The following ITPRID1 variants were observed in gnomAD, a reference collection of about 807,000 sequenced individuals.
ITPRID1 encodes ITPR interacting domain containing 1.
ITPRID1 carries 96 observed loss-of-function variants against 95.4 expected under a neutral mutation model. The ratio of observed to expected loss-of-function variants is 1.01; its 90% confidence interval spans 0.85 to 1.19. The LOEUF (loss-of-function observed/expected upper bound fraction) is 1.19. ITPRID1 is among the 50% of genes most tolerant of loss of function. The pLI is 0.00. For synonymous variants in ITPRID1, 510 were observed against 453.6 expected (o/e 1.12, Z -1.58); for missense variants, 1,339 against 1,252.9 (o/e 1.07, Z -1.04).
At chr7:31,604,869 C>A (rs36101043) in intron 10 of ITPRID1, among the ~76,000 whole-genome samples, 17,810 of 152,204 alleles carry the variant, frequency 0.12, 1,183 homozygotes, top group Middle Eastern at 0.15. Context: ...GGCAGGGTGC[C>A]TCATGCCAGT....
intron 10 of ITPRID1, among the ~76,000 whole-genome samples, chr7:31,597,174 C>A (rs1786124365): frequency 6.6e-6 from 1 of 151,964 alleles, no homozygotes; most frequent in Non-Finnish European, 1.5e-5. Context: ...TCTATCAAAT[C>A]TTGATAGCAA....
At chr7:31,641,167 C>T (rs1048096558) in intron 10 of ITPRID1, among the ~76,000 whole-genome samples, 1 of 152,168 alleles carries the variant, frequency 6.6e-6, no homozygotes, top group African/African-American at 2.4e-5. Context: ...AGGTGAGGTC[C>T]AGCAGAGATC....
intron 5 of ITPRID1, among the ~76,000 whole-genome samples, chr7:31,562,235 G>A (rs1431834265): frequency 6.6e-6 from 1 of 152,140 alleles, no homozygotes; most frequent in Non-Finnish European, 1.5e-5. Flanking sequence ...CACATACAAT[G>A]AGTGCACATT....
At chr7:31,639,543 T>TTTTTTTTTTTTTTTTTTTTTG (rs1789823858) in intron 10 of ITPRID1, among the ~76,000 whole-genome samples, 1 of 50,518 alleles carries the variant, frequency 2.0e-5, no homozygotes, top group African/African-American at 1.3e-4. Context: ...TTTTTGTTTT[T>TTTTTTTTTTTTTTTTTTTTTG]TTTTTTTTTT....
intron 10 of ITPRID1, among the ~76,000 whole-genome samples, chr7:31,617,991 TAAAC>T (rs1380475332): frequency 2.6e-5 from 4 of 152,204 alleles, no homozygotes; most frequent in Non-Finnish European, 5.9e-5. Context: ...TGTCATTAGA[TAAAC>T]TGTTTATGCT....
At chr7:31,580,468 C>G (rs1785359435) in intron 9 of ITPRID1, among the ~76,000 whole-genome samples, 1 of 151,878 alleles carries the variant, frequency 6.6e-6, no homozygotes, top group African/African-American at 2.4e-5. Context: ...TCCTAGTAAG[C>G]CATCGAAATG....
intron 12 of ITPRID1, among the ~76,000 whole-genome samples, chr7:31,647,657 G>C (rs527907067): frequency 1.8e-5 from 2 of 113,236 alleles, no homozygotes; most frequent in Admixed American, 2.5e-4. Flanking sequence ...CTGAGCAACA[G>C]AGAGAGTCTC....
intron 10 of ITPRID1, among the ~76,000 whole-genome samples, chr7:31,612,660 C>T (rs1281292398): frequency 2.0e-5 from 3 of 152,070 alleles, no homozygotes; most frequent in African/African-American, 7.2e-5. Flanking sequence ...TGTCTACCAC[C>T]CTTTTCTGAA....
At chr7:31,633,174 C>T (rs767972290) in intron 10 of ITPRID1, among the ~76,000 whole-genome samples, 6 of 151,750 alleles carry the variant, frequency 4.0e-5, no homozygotes, top group African/African-American at 7.3e-5. Flanking sequence ...CGTGAGCTAC[C>T]GCGACCGGCC....
intron 10 of ITPRID1, among the ~76,000 whole-genome samples, chr7:31,624,847 G>A (rs1345639462): frequency 2.0e-5 from 3 of 152,076 alleles, no homozygotes. Flanking sequence ...CCCACAAAAT[G>A]GGAAAAAATT....
chr7:31,585,059 A>G (rs962677358), intron 10 of ITPRID1, among the ~76,000 whole-genome samples: 1 of 152,182 alleles, frequency 6.6e-6, no homozygotes, highest in Non-Finnish European at 1.5e-5. Context: ...GTGCTGCATG[A>G]GCTCCAGGTG....
At chr7:31,521,666 CCTTCCTTCCTT>C (rs1166592476) in intron 1 of ITPRID1, among the ~76,000 whole-genome samples, 13 of 129,742 alleles carry the variant, frequency 1.0e-4, no homozygotes, top group African/African-American at 3.5e-4. Flanking sequence ...TTCCTTCCTT[CCTTCCTTCCTT>C]CCTTCCTTCC....
chr7:31,584,903 T>C (rs1259680561), intron 10 of ITPRID1, among the ~76,000 whole-genome samples: 1 of 152,228 alleles, frequency 6.6e-6, no homozygotes, highest in Non-Finnish European at 1.5e-5. Context: ...AGCAGTGATG[T>C]TGTGCTAGTT....
chr7:31,529,969 C>T, intron 1 of ITPRID1: 2 of 628,078 alleles, frequency 3.2e-6, no homozygotes, highest in Non-Finnish European at 2.8e-6. Flanking sequence ...AGCTGTGTGA[C>T]TGGGTGATTC....
intron 2 of ITPRID1, among the ~76,000 whole-genome samples, chr7:31,550,866 G>A (rs1446589963): frequency 7.0e-6 from 1 of 142,790 alleles, no homozygotes; most frequent in African/African-American, 2.5e-5. Context: ...AAATAAAGCA[G>A]CACTTTTACC....
intron 10 of ITPRID1, among the ~76,000 whole-genome samples, chr7:31,616,326 T>G (rs1352709988): frequency 2.4e-4 from 36 of 152,202 alleles, no homozygotes; most frequent in African/African-American, 8.2e-4. Flanking sequence ...TAGTAGTGAA[T>G]ATATGCATAT....
chr7:31,639,077 A>C (rs1272457174), intron 10 of ITPRID1, among the ~76,000 whole-genome samples: 1 of 152,028 alleles, frequency 6.6e-6, no homozygotes, highest in African/African-American at 2.4e-5. Context: ...GCGCCCAGCC[A>C]GTAATTTGAT....
At chr7:31,587,594 C>T (rs1481097817) in intron 10 of ITPRID1, among the ~76,000 whole-genome samples, 1 of 150,162 alleles carries the variant, frequency 6.7e-6, no homozygotes, top group Non-Finnish European at 1.5e-5. Flanking sequence ...AATGCCATCC[C>T]CATCAAGCTA....
chr7:31,580,818 C>A (rs1217103369), intron 9 of ITPRID1, among the ~76,000 whole-genome samples: 1 of 152,042 alleles, frequency 6.6e-6, no homozygotes. Flanking sequence ...ACTTCATAGT[C>A]GTCTTTGTTT....
Sources: allele counts gnomAD v4.1 joint callset (sites outside exome capture counted in the v4.1 genomes callset), GRCh38; gene constraint gnomAD v4.1.1; transcripts MANE v1.5; gene names NCBI Gene and HGNC (gene_info 2026-07-23, HGNC 2026-07-21).